Variants in KIF1A observed in about 807,000 individuals in gnomAD.
KIF1A encodes the protein kinesin-like protein KIF1A.
In KIF1A, 46 loss-of-function variants were observed where a neutral mutation model predicts 227.3. The ratio of observed to expected loss-of-function variants is 0.20; its 90% CI spans 0.16 to 0.26. KIF1A has a LOEUF of 0.26. Among genes scored for constraint, KIF1A ranks in the 10% least tolerant of loss-of-function variants. The probability of loss-of-function intolerance (pLI) is 1.00; values close to 1 mark genes in which losing one functional copy is unlikely to be tolerated. For synonymous variants in KIF1A, 1,022 were observed against 1,012.8 expected, an observed-to-expected ratio of 1.01 and a Z score of -0.17; for missense variants, 1,683 against 2,485.9, an observed-to-expected ratio of 0.68 and a Z score of 6.87.
At chr2:240,718,307 G>T (rs1451371854) in intron 47 of KIF1A, 139 bp from the exon 48 acceptor site, 3 of 702,920 alleles carry the variant, frequency 4.3e-6, no homozygotes, top group Admixed American at 2.1e-5. Context: ...GGGACAAAGA[G>T]GGGAAGGCTG....
chr2:240,773,078 C>A, intron 13 of KIF1A, 36 bp downstream of exon 13: 1 of 1,574,034 alleles, frequency 6.4e-7, no homozygotes, highest in Middle Eastern at 1.7e-4. Context: ...TGAGGCCCCA[C>A]AACCCTGTCC....
In KIF1A at chr2:240,766,741, T is replaced by TCACACACA. The variant is rs71049519; in HGVS notation, c.1684+173_1684+174insTGTGTGTG. 7.5e-3 allele frequency among the ~76,000 whole-genome samples: 843 copies of TCACACACA among 112,400 alleles called. 5 individuals are homozygous for TCACACACA. The highest frequency in any genetic ancestry group is 0.01 in the Non-Finnish European group (583 of 56,458). 73.7% of individuals were successfully genotyped at this position (112,400 alleles called of 152,430 possible). The stretch of plus-strand genomic sequence containing the variant: ...CTCCAAATCTCTCTCTCTCTCTCTC[T>TCACACACA]CTCTCTCTCACACACACACACACAC... On this transcript the variant is annotated intron_variant, in intron 19 of 48. Transcript: ENST00000498729. The surrounding 1 kb of genome is among the most constrained non-coding windows in gnomAD (Gnocchi z 5.0).
intron 17 of KIF1A, 114 bp from the exon 18 acceptor site, chr2:240,767,459 C>G: frequency 1.2e-6 from 1 of 829,018 alleles, no homozygotes; most frequent in South Asian, 1.6e-5. Flanking sequence ...TCCCTGCCCC[C>G]GCACTTGGCT....
chr2:240,731,869 T>C (rs546379567), intron 38 of KIF1A, among the ~76,000 whole-genome samples: 15 of 133,124 alleles, frequency 1.1e-4, no homozygotes, highest in Non-Finnish European at 1.6e-4. Flanking sequence ...GCTATGGGGA[T>C]TGGGGGGTAA....
intron 12 of KIF1A, 113 bp downstream of exon 12, chr2:240,774,070 C>G (rs1386300423): frequency 1.6e-6 from 1 of 638,442 alleles, no homozygotes; most frequent in Admixed American, 2.5e-5. Context: ...CCAGGGTATA[C>G]CCCTCACAAA....
At chr2:240,735,218 G>A (rs1367843368) in intron 38 of KIF1A, among the ~76,000 whole-genome samples, 2 of 152,320 alleles carry the variant, frequency 1.3e-5, no homozygotes, top group Middle Eastern at 3.4e-3. Context: ...CACGCAACGC[G>A]CCTTCCTCCT....
rs540043053 is a variant in KIF1A, at chr2:240,789,127, C to T, written c.183+109G>A. ...TTCCAGGGGAGCAGGGTGGGGTCCT[C>T]GCCCCAGTTAGAGAGGAATGAGCGG... On this transcript the variant is annotated intron_variant, in intron 3 of 48. Transcript: ENST00000498729. This position sits in a 1 kb window ranked among gnomAD's most constrained non-coding sequence, Gnocchi z 4.8. 6.4e-4 allele frequency: 565 copies of T among 878,558 alleles called. No homozygotes were observed. Among genetic ancestry groups the T allele is most frequent in the Middle Eastern group, 5.2e-3 (16 of 3,088 alleles). 54.4% of individuals were successfully genotyped at this position (878,558 alleles called of 1,614,324 possible).
intron 1 of KIF1A, among the ~76,000 whole-genome samples, chr2:240,818,238 T>C (rs1355804145): frequency 1.3e-5 from 2 of 152,162 alleles, no homozygotes; most frequent in Non-Finnish European, 2.9e-5. Context: ...CAGATCCATC[T>C]GCAGCCGGAG....
intron 24 of KIF1A, 83 bp from the exon 25 acceptor site, chr2:240,760,926 T>C: frequency 2.2e-6 from 3 of 1,346,392 alleles, no homozygotes; most frequent in Non-Finnish European, 3.1e-6. Flanking sequence ...TCCCACCTTC[T>C]GGAGATTTCA....
At position 240,769,007 on chromosome 2, in the gene KIF1A, G is replaced by A. The variant is rs2051573088; in HGVS notation, c.1497+126C>T. ...ACTATGGGTGAGCTTCACAGCCCCA[G>A]TGCCTGGGCCAGAGCCCCACCGTGC... On this transcript the variant is annotated intron_variant, in intron 17 of 48. Transcript: ENST00000498729. 1.0e-5 allele frequency: 8 copies of A among 799,464 alleles called. No homozygotes were observed. In the East Asian group the frequency reaches 2.2e-4, roughly 21 times the overall value. 49.5% of individuals were successfully genotyped at this position (799,464 alleles called of 1,614,324 possible). A position where few individuals can be genotyped will look rare whatever the true frequency, so the allele number is the denominator to read the frequency against.
chr2:240,724,107 C>T, intron 40 of KIF1A, 71 bp from the exon 41 acceptor site: 1 of 1,356,836 alleles, frequency 7.4e-7, no homozygotes, highest in Non-Finnish European at 1.1e-6. Flanking sequence ...AGCCTGGCTG[C>T]TGACTTGCCC....
At chr2:240,812,924 AGCCTTCAC>A (rs2058022975) in intron 1 of KIF1A, among the ~76,000 whole-genome samples, 1 of 46,358 alleles carries the variant, frequency 2.2e-5, no homozygotes, top group Non-Finnish European at 4.6e-5. Flanking sequence ...CTCGGGGATC[AGCCTTCAC>A]CTCGGGGATC....
At chr2:240,756,281 A>G (rs2049840958) in intron 27 of KIF1A, among the ~76,000 whole-genome samples, 1 of 152,248 alleles carries the variant, frequency 6.6e-6, no homozygotes, top group African/African-American at 2.4e-5. Context: ...AAAGGTTGCT[A>G]TTAAGAATTA....
intron 31 of KIF1A, 78 bp from the exon 32 acceptor site, chr2:240,745,595 C>T (rs1284305617): frequency 6.8e-6 from 10 of 1,478,392 alleles, no homozygotes; most frequent in Middle Eastern, 2.0e-4. Flanking sequence ...CCACCTCACA[C>T]GAGGGCGCTG....
chr2:240,731,469 A>G (rs2046590638), intron 38 of KIF1A, among the ~76,000 whole-genome samples: 1 of 152,144 alleles, frequency 6.6e-6, no homozygotes, highest in South Asian at 2.1e-4. Flanking sequence ...ACCGCATGCC[A>G]CCCCTGAAGT....
rs1167335444 is a variant in KIF1A at position 240,758,545 on chromosome 2, A to C, written c.2445-48T>G. 6.7e-7 allele frequency: 1 copy of C among 1,487,306 alleles called. No homozygotes were observed. The allele number at this position is 1,487,306 out of a possible 1,614,324, so 92.1% of individuals were successfully genotyped here. A position where few individuals can be genotyped will look rare whatever the true frequency, so the allele number is the denominator to read the frequency against. ...TGTGGACCCAGGCCCAGCGCTCAGC[A>C]GCTGGCACCGCACACCCTTATCTCC... On this transcript the variant is annotated intron_variant, in intron 25 of 48. Transcript: ENST00000498729. This position sits in a 1 kb window ranked among gnomAD's most constrained non-coding sequence, Gnocchi z 5.2.
Position 240,726,781 on chromosome 2 carries a change from G to A in KIF1A, c.4122+45C>T, listed in dbSNP as rs75944662. ...GAGCTTACAAGAACCTCAAGCTTCA[G>A]GGGCTGAGTGGTTTTGGTGGAGTGC... On this transcript the variant is annotated intron_variant, in intron 39 of 48. Coordinates refer to ENST00000498729, the MANE Select transcript of KIF1A (RefSeq NM_001244008.2). This position sits in a 1 kb window ranked among gnomAD's most constrained non-coding sequence, Gnocchi z 5.2. The A allele has an allele frequency of 8.4e-7, 1 of 1,195,276 alleles. No homozygotes were observed. Among genetic ancestry groups the A allele is most frequent in the Non-Finnish European group, 1.2e-6 (1 of 814,348 alleles). The allele number at this position is 1,195,276 out of a possible 1,614,324, so 74.0% of individuals were successfully genotyped here. A position where few individuals can be genotyped will look rare whatever the true frequency, so the allele number is the denominator to read the frequency against.
Position 240,769,169 on chromosome 2 carries a change from C to G in KIF1A, c.1461G>C (p.Glu487Asp). 1 of 1,611,208 alleles carries G rather than the reference C, an allele frequency of 6.2e-7. No individual in the cohort carries two copies. Among genetic ancestry groups the G allele is most frequent in the South Asian group, 1.1e-5 (1 of 90,376 alleles). ...AGAATACGCCCAAGGTGCCGCCATC[C>G]TCCCTCATGGCCACACCCATCTCGG... ...LLAEMGVAMR[E>D]DGGTLGVFSP... Residue 487 changes from glutamate to aspartate, a missense_variant, in exon 17 of 49, where the codon GAG becomes GAC. By Grantham distance (45) the Glu-to-Asp change is conservative (BLOSUM62 2). Transcript: ENST00000498729.
intron 1 of KIF1A, among the ~76,000 whole-genome samples, chr2:240,816,922 C>A (rs2058367805): frequency 1.3e-5 from 2 of 152,224 alleles, no homozygotes; most frequent in African/African-American, 4.8e-5. Context: ...CCAAGCCCAG[C>A]CAGCTGTTCC....
Sources: gnomAD v4.1 joint callset for allele counts (sites outside exome capture counted in the v4.1 genomes callset) on GRCh38, gnomAD v4.1.1 for gene constraint, Gnocchi (gnomAD v3.1) non-coding constraint, MANE v1.5 for transcripts, NCBI Gene and HGNC (gene_info 2026-07-23, HGNC 2026-07-21) for gene names.